The following BMPR1B variants were observed in gnomAD, a reference collection of about 807,000 sequenced individuals.
The protein encoded by BMPR1B is bone morphogenetic protein receptor type 1B.
In BMPR1B, 12 loss-of-function variants were observed where a neutral mutation model predicts 59.1. That is an observed-to-expected ratio of 0.20 (90% CI 0.13 to 0.33). The LOEUF is 0.33. Ranked by LOEUF, BMPR1B falls within the 10% of genes least tolerant of loss-of-function variation. BMPR1B has a pLI of 1.00. For missense variants in BMPR1B, 550 were observed against 610.9 expected, an observed-to-expected ratio of 0.90 and a Z score of 1.05; for synonymous variants, 237 against 207.3, an observed-to-expected ratio of 1.14 and a Z score of -1.23.
chr4:94,920,637 A>G (rs1728654474), intron 2 of BMPR1B, among the ~76,000 whole-genome samples: 1 of 152,202 alleles, frequency 6.6e-6, no homozygotes, highest in Admixed American at 6.5e-5. Context: ...CGAGTACTAA[A>G]AAAAGTCCTG....
chr4:94,801,166 T>C (rs1345567732), intron 1 of BMPR1B, among the ~76,000 whole-genome samples: 1 of 152,186 alleles, frequency 6.6e-6, no homozygotes, highest in Non-Finnish European at 1.5e-5. Context: ...TTCTTGCCCT[T>C]TGCACATAAT....
At chr4:94,902,241 CACACACACAGAGAG>C (rs1475622545) in intron 2 of BMPR1B, among the ~76,000 whole-genome samples, 1 of 97,850 alleles carries the variant, frequency 1.0e-5, no homozygotes, top group South Asian at 3.9e-4. Context: ...CACACACACA[CACACACACAGAGAG>C]AGAGAGAGAG....
At chr4:94,920,693 A>G (rs1276809651) in intron 2 of BMPR1B, among the ~76,000 whole-genome samples, 1 of 152,176 alleles carries the variant, frequency 6.6e-6, no homozygotes, top group Non-Finnish European at 1.5e-5. Context: ...GAACCACAAA[A>G]CATGCCACAT....
chr4:94,885,618 G>A (rs1411556239), intron 2 of BMPR1B, among the ~76,000 whole-genome samples: 2 of 151,942 alleles, frequency 1.3e-5, no homozygotes, highest in Admixed American at 6.6e-5. Context: ...GGTTTTTGAA[G>A]GAAATGTTAA....
At chr4:94,803,563 A>G (rs1174543303) in intron 1 of BMPR1B, among the ~76,000 whole-genome samples, 1 of 152,178 alleles carries the variant, frequency 6.6e-6, no homozygotes, top group Non-Finnish European at 1.5e-5. Flanking sequence ...AAATGGGCAG[A>G]ATGCTCTTCT....
intron 2 of BMPR1B, among the ~76,000 whole-genome samples, chr4:94,922,464 G>A (rs1728740403): frequency 6.6e-6 from 1 of 152,046 alleles, no homozygotes; most frequent in African/African-American, 2.4e-5. Flanking sequence ...TGCAAAATTA[G>A]TTTCGTTTTG....
intron 2 of BMPR1B, among the ~76,000 whole-genome samples, chr4:94,913,970 A>G (rs1248301386): frequency 2.0e-5 from 3 of 152,162 alleles, no homozygotes; most frequent in Admixed American, 6.6e-5. Context: ...GGTAGGTCCT[A>G]TGGAAATACA....
chr4:95,027,897 A>G (rs1257074787), intron 3 of BMPR1B, among the ~76,000 whole-genome samples: 2 of 152,192 alleles, frequency 1.3e-5, no homozygotes, highest in African/African-American at 4.8e-5. Flanking sequence ...TTGTAGAGGT[A>G]AGCTTTCCAC....
intron 2 of BMPR1B, among the ~76,000 whole-genome samples, chr4:94,888,574 T>A (rs1011959): frequency 6.6e-6 from 1 of 151,674 alleles, no homozygotes; most frequent in Non-Finnish European, 1.5e-5. Flanking sequence ...ATTATAAGAG[T>A]TGGGTGCTGA....
In BMPR1B at chr4:94,961,333, A is replaced by G. The variant is rs80305226; in HGVS notation, c.-112-34707A>G. 2.6e-3 allele frequency among the ~76,000 whole-genome samples: 390 copies of G among 152,208 alleles called. 3 individuals carry two copies. Among genetic ancestry groups the G allele is most frequent in the African/African-American group, 9.0e-3 (374 of 41,536 alleles). On this transcript the variant is annotated intron_variant, in intron 2 of 12. Coordinates refer to ENST00000515059, the MANE Select transcript of BMPR1B (RefSeq NM_001203.3). ...AATGGCCGTTTTTCTGCTACAGTGA[A>G]GAGTTGAGTAGCTTTATCAGAGACC...
At chr4:94,797,772 T>A (rs537016926) in intron 1 of BMPR1B, among the ~76,000 whole-genome samples, 11 of 152,310 alleles carry the variant, frequency 7.2e-5, no homozygotes, top group African/African-American at 2.6e-4. Flanking sequence ...TTTGTATTTT[T>A]AGCAAGTACT....
chr4:95,073,259 A>G (rs900574016), intron 3 of BMPR1B, among the ~76,000 whole-genome samples: 1 of 152,188 alleles, frequency 6.6e-6, no homozygotes, highest in African/African-American at 2.4e-5. Context: ...CGGAATTGCC[A>G]TGATATCTTC....
intron 10 of BMPR1B, among the ~76,000 whole-genome samples, chr4:95,137,373 A>G (rs1242742942): frequency 6.6e-6 from 1 of 152,168 alleles, no homozygotes; most frequent in African/African-American, 2.4e-5. Context: ...TGCTGAGAAG[A>G]ATGTATATTC....
intron 3 of BMPR1B, chr4:95,103,367 T>C (rs1730962602): frequency 1.2e-6 from 1 of 847,288 alleles, no homozygotes; most frequent in Non-Finnish European, 1.4e-6. Flanking sequence ...ACCCAGCAAT[T>C]TTTTAATATT....
chr4:94,930,071 C>T (rs1181686661), intron 2 of BMPR1B, among the ~76,000 whole-genome samples: 1 of 152,082 alleles, frequency 6.6e-6, no homozygotes, highest in East Asian at 1.9e-4. Flanking sequence ...TAAACTAAGA[C>T]TGTTTAGGAT....
chr4:94,872,695 G>A (rs1479501616), intron 1 of BMPR1B, among the ~76,000 whole-genome samples: 1 of 152,186 alleles, frequency 6.6e-6, no homozygotes, highest in Non-Finnish European at 1.5e-5. Context: ...GCCAGCCTGG[G>A]TGACTGAGCT....
chr4:94,916,432 CAT>C (rs1728486094), intron 2 of BMPR1B, among the ~76,000 whole-genome samples: 1 of 152,182 alleles, frequency 6.6e-6, no homozygotes, highest in Non-Finnish European at 1.5e-5. Context: ...GACCAAAGGT[CAT>C]GTGTGTTATG....
At chr4:94,920,777 T>A (rs1728659710) in intron 2 of BMPR1B, among the ~76,000 whole-genome samples, 2 of 152,194 alleles carry the variant, frequency 1.3e-5, no homozygotes, top group Admixed American at 1.3e-4. Context: ...GAAATTCAAA[T>A]CACAAATAGC....
intron 1 of BMPR1B, among the ~76,000 whole-genome samples, chr4:94,801,598 A>G (rs1723408218): frequency 6.6e-6 from 1 of 152,212 alleles, no homozygotes; most frequent in Non-Finnish European, 1.5e-5. Context: ...CATGACTACT[A>G]TCTATAGTAC....
Sources: gnomAD v4.1 joint callset for allele counts (sites outside exome capture counted in the v4.1 genomes callset) on GRCh38, gnomAD v4.1.1 for gene constraint, MANE v1.5 for transcripts, NCBI Gene and HGNC (gene_info 2026-07-23, HGNC 2026-07-21) for gene names.